The following ABCC9 variants were observed in gnomAD, a reference collection of about 807,000 sequenced individuals.
The protein encoded by ABCC9 is ATP-binding cassette sub-family C member 9.
In ABCC9, 95 loss-of-function variants were observed where a neutral mutation model predicts 188.3. The observed-to-expected ratio is 0.50, with a 90% CI of 0.43 to 0.60. ABCC9 has a LOEUF of 0.60. ABCC9 is among the 20% of genes least tolerant of loss of function. ABCC9 has a pLI of 0.00. For missense variants in ABCC9, 1,102 were observed against 1,876.3 expected (o/e 0.59, Z 7.62); for synonymous variants, 659 against 652.7 (o/e 1.01, Z -0.15).
At chr12:21,837,078 T>G (rs1158531974) in intron 30 of ABCC9, among the ~76,000 whole-genome samples, 1 of 152,194 alleles carries the variant, frequency 6.6e-6, no homozygotes, top group East Asian at 1.9e-4. Context: ...AGGACTTATT[T>G]GGTGAAAAAA....
chr12:21,939,601 G>A (rs1454139308), intron 2 of ABCC9, among the ~76,000 whole-genome samples: 2 of 152,144 alleles, frequency 1.3e-5, no homozygotes, highest in African/African-American at 2.4e-5. Context: ...CCCTTCTGGA[G>A]CTGTTTAGAT....
Position 21,817,320 on chromosome 12 carries a change from A to T in ABCC9, c.3772-13T>A. On this transcript the variant is annotated splice_polypyrimidine_tract_variant and intron_variant, in intron 32 of 39. Coordinates refer to ENST00000261200, the MANE Select transcript of ABCC9 (RefSeq NM_020297.4). ...AATAATTGGTTATCTGTGTCAGGTG[A>T]TTAAAAAAATTGTTTTAAATAAATT... The T allele has an allele frequency of 1.9e-6, 3 of 1,612,888 alleles. No homozygotes were observed. The highest frequency in any genetic ancestry group is 2.5e-6 in the Non-Finnish European group (3 of 1,179,474).
At chr12:21,922,829 A>C (rs1364698019) in intron 5 of ABCC9, 2 of 150,484 alleles carry the variant, frequency 1.3e-5, no homozygotes, top group African/African-American at 4.9e-5. Flanking sequence ...AGAATAGCCA[A>C]AGCAAACTTC....
intron 28 of ABCC9, 79 bp downstream of exon 28, chr12:21,844,404 A>G: frequency 1.7e-6 from 2 of 1,206,552 alleles, no homozygotes; most frequent in Non-Finnish European, 1.2e-6. Flanking sequence ...GTTAATAGGA[A>G]TTATACTTTA....
intron 14 of ABCC9, among the ~76,000 whole-genome samples, chr12:21,888,646 C>A (rs1394129898): frequency 2.0e-5 from 3 of 152,096 alleles, no homozygotes; most frequent in Non-Finnish European, 4.4e-5. Flanking sequence ...TTGAGAGGCC[C>A]TGCTCTAGAA....
intron 24 of ABCC9, among the ~76,000 whole-genome samples, chr12:21,850,496 C>T (rs1212541853): frequency 6.6e-6 from 1 of 152,060 alleles, no homozygotes; most frequent in African/African-American, 2.4e-5. Flanking sequence ...TTACCCTGTC[C>T]ATACCCTAAC....
At chr12:21,881,189 G>A (rs1326880187) in intron 16 of ABCC9, among the ~76,000 whole-genome samples, 1 of 152,106 alleles carries the variant, frequency 6.6e-6, no homozygotes, top group African/African-American at 2.4e-5. Context: ...TAAGAAGACA[G>A]CAGATATATG....
chr12:21,886,078 T>C (rs1452154572), intron 15 of ABCC9, among the ~76,000 whole-genome samples: 2 of 152,184 alleles, frequency 1.3e-5, no homozygotes, highest in African/African-American at 4.8e-5. Flanking sequence ...AATATATTAA[T>C]TTTTAAGAAT....
chr12:21,905,704 G>A (rs1014332830), intron 12 of ABCC9, among the ~76,000 whole-genome samples: 6 of 152,096 alleles, frequency 3.9e-5, no homozygotes, highest in East Asian at 1.9e-4. Flanking sequence ...AAGATCAATC[G>A]TCATGTAGTC....
intron 16 of ABCC9, among the ~76,000 whole-genome samples, chr12:21,877,318 T>C (rs1565770852): frequency 6.6e-6 from 1 of 152,104 alleles, no homozygotes; most frequent in Non-Finnish European, 1.5e-5. Flanking sequence ...GTCAAAAAAC[T>C]TTTTGGAAAA....
Position 21,829,191 on chromosome 12 carries a change from CTTTTTT to C in ABCC9, c.3567-137_3567-132del, listed in dbSNP as rs11430045. 389 of 230,402 alleles carry C rather than the reference CTTTTTT, an allele frequency of 1.7e-3. 2 individuals carry two copies. Among genetic ancestry groups the C allele is most frequent in the East Asian group, 4.1e-3 (32 of 7,854 alleles). The allele number at this position is 230,402 out of a possible 1,614,324, so 14.3% of individuals were successfully genotyped here. On this transcript the variant is annotated intron_variant, in intron 30 of 39. Coordinates refer to ENST00000261200, the MANE Select transcript of ABCC9 (RefSeq NM_020297.4). The stretch of plus-strand genomic sequence containing the variant: ...CATGGAATGATCAGTAAATAGATTT[CTTTTTT>C]TTTTTTTTTTTTTTTTTTTTTTCAG...
At chr12:21,888,971 G>A (rs1490042574) in intron 14 of ABCC9, among the ~76,000 whole-genome samples, 1 of 152,052 alleles carries the variant, frequency 6.6e-6, no homozygotes, top group Admixed American at 6.6e-5. Context: ...CCTTTGATAG[G>A]AAACTAGAAA....
rs1949499149 is a variant in ABCC9 at position 21,936,646 on chromosome 12, ATGT to A, written c.26_28del (p.Asn9del). ...ACCATCGTTGATATTATATGAAGAA[ATGT>A]TGTTACCACAAAATGAAAGGCTCAT... On this transcript the variant is annotated inframe_deletion, in exon 3 of 40. Transcript: ENST00000261200. 2.5e-6 allele frequency: 4 copies of A among 1,611,470 alleles called. No homozygotes were observed. The South Asian group carries it at 3.3e-5, about 13-fold the overall frequency.
At chr12:21,861,911 CCT>C (rs2137512362) in intron 20 of ABCC9, among the ~76,000 whole-genome samples, 1 of 152,094 alleles carries the variant, frequency 6.6e-6, no homozygotes, top group South Asian at 2.1e-4. Flanking sequence ...GACTGACAGT[CCT>C]CAAGTTCATA....
At chr12:21,875,207 G>A (rs973118104) in intron 17 of ABCC9, among the ~76,000 whole-genome samples, 1 of 152,152 alleles carries the variant, frequency 6.6e-6, no homozygotes, top group African/African-American at 2.4e-5. Flanking sequence ...CATTAAATAT[G>A]TGCAATTTTT....
intron 30 of ABCC9, among the ~76,000 whole-genome samples, chr12:21,837,587 A>G (rs1944166600): frequency 6.6e-6 from 1 of 152,204 alleles, no homozygotes; most frequent in African/African-American, 2.4e-5. Context: ...CTGTTTACAA[A>G]CCTTGAAGAA....
At chr12:21,834,802 C>T (rs956394174) in intron 30 of ABCC9, among the ~76,000 whole-genome samples, 10 of 151,176 alleles carry the variant, frequency 6.6e-5, no homozygotes, top group Admixed American at 1.3e-4. Flanking sequence ...CACACACACA[C>T]ACACACACAC....
intron 4 of ABCC9, among the ~76,000 whole-genome samples, chr12:21,930,327 T>C (rs1949231490): frequency 6.6e-6 from 1 of 152,178 alleles, no homozygotes; most frequent in Non-Finnish European, 1.5e-5. Flanking sequence ...ATTGTAAAGT[T>C]AGGATAATTA....
rs1026572764 is a variant in ABCC9, at chr12:21,863,915, A to G, written c.2237+524T>C. Among the ~76,000 whole-genome samples, 55 of 152,156 alleles carry G rather than the reference A, an allele frequency of 3.6e-4. 1 individual carries two copies. The highest frequency in any genetic ancestry group is 3.9e-4 in the Admixed American group (6 of 15,260). On this transcript the variant is annotated intron_variant, in intron 19 of 39. Coordinates refer to ENST00000261200, the MANE Select transcript of ABCC9 (RefSeq NM_020297.4). ...ATTACGTCTTAGGAGTGTAGAAGAC[A>G]TGATACTATATAGTATGCTAGCAGT...
Sources: allele counts gnomAD v4.1 joint callset (sites outside exome capture counted in the v4.1 genomes callset), GRCh38; gene constraint gnomAD v4.1.1; transcripts MANE v1.5; gene names NCBI Gene and HGNC (gene_info 2026-07-23, HGNC 2026-07-21).